The following CHL1 variants were observed in gnomAD, a reference collection of about 807,000 sequenced individuals.
The protein encoded by CHL1 is cell adhesion molecule L1 like, also known as neural cell adhesion molecule L1-like protein.
In CHL1, 96 loss-of-function variants were observed where a neutral mutation model predicts 141.9. The observed-to-expected ratio is 0.68, with a 90% confidence interval of 0.57 to 0.80. The LOEUF (loss-of-function observed/expected upper bound fraction) is 0.80. CHL1 is among the 30% of genes least tolerant of loss of function. The probability of loss-of-function intolerance (pLI) is 0.00; values close to 1 mark genes in which losing one functional copy is unlikely to be tolerated. For synonymous variants in CHL1, 613 were observed against 502.2 expected, an observed-to-expected ratio of 1.22 and a Z score of -2.95; for missense variants, 1,820 against 1,457.2, an observed-to-expected ratio of 1.25 and a Z score of -4.05.
intron 18 of CHL1, among the ~76,000 whole-genome samples, chr3:383,062 C>A (rs1227148821): frequency 6.6e-6 from 1 of 152,052 alleles, no homozygotes; most frequent in Non-Finnish European, 1.5e-5. Context: ...TTCCAAGATG[C>A]GTTTGAAAAA....
chr3:198,397 C>T (rs982647701), intron 1 of CHL1, among the ~76,000 whole-genome samples: 1 of 151,968 alleles, frequency 6.6e-6, no homozygotes, highest in African/African-American at 2.4e-5. Context: ...TTTGCGCGTG[C>T]GCGTGGCGAT....
chr3:234,409 A>G (rs1206549679), intron 1 of CHL1, among the ~76,000 whole-genome samples: 3 of 152,080 alleles, frequency 2.0e-5, no homozygotes, highest in African/African-American at 7.2e-5. Flanking sequence ...CTTGAAAATT[A>G]TTTATTGTCT....
At chr3:295,874 C>T (rs1002097748) in intron 2 of CHL1, among the ~76,000 whole-genome samples, 1 of 152,114 alleles carries the variant, frequency 6.6e-6, no homozygotes, top group Non-Finnish European at 1.5e-5. Context: ...TTTTAAGCGA[C>T]GATTGAGTGT....
chr3:257,392 A>T (rs530798921), intron 2 of CHL1, among the ~76,000 whole-genome samples: 2 of 134,454 alleles, frequency 1.5e-5, no homozygotes, highest in East Asian at 4.3e-4. Flanking sequence ...CTCTCTCTGT[A>T]GTCCAGGCTG....
chr3:374,934 A>G lies in CHL1; in HGVS notation c.1752-2884A>G, dbSNP rs571218968. Among the ~76,000 whole-genome samples, 15 of 152,330 alleles carry G rather than the reference A, an allele frequency of 9.8e-5. No homozygotes were observed. The South Asian group carries it at 3.1e-3, about 32-fold the overall frequency. On this transcript the variant is annotated intron_variant, in intron 15 of 27. Coordinates refer to ENST00000256509, the MANE Select transcript of CHL1 (RefSeq NM_006614.4). Reference sequence around the variant, plus strand: ...TTCTAATCAAATATACATGGTGAACAATGAGAAGTGAAAATTCCTTCTTCT... The same window carrying G: ...TTCTAATCAAATATACATGGTGAACGATGAGAAGTGAAAATTCCTTCTTCT...
chr3:348,955 G>C (rs530287803), intron 9 of CHL1, among the ~76,000 whole-genome samples: 4 of 152,330 alleles, frequency 2.6e-5, no homozygotes, highest in Admixed American at 2.6e-4. Flanking sequence ...ACACAAACAG[G>C]GAATAGGGCT....
At position 265,259 on chromosome 3, in the gene CHL1, C is replaced by T. The variant is rs186119776; in HGVS notation, c.-95+20567C>T. 3.3e-5 allele frequency among the ~76,000 whole-genome samples: 5 copies of T among 152,312 alleles called. No homozygotes were observed. The East Asian group carries it at 9.6e-4, about 29-fold the overall frequency. ...ATTTCTCAACATTTCTGTGTCTCAA[C>T]TACCTTATCTATAAAATGGAAATAC... On this transcript the variant is annotated intron_variant, in intron 2 of 27. Transcript: ENST00000256509.
intron 24 of CHL1, among the ~76,000 whole-genome samples, chr3:397,234 A>G (rs1336398232): frequency 6.6e-6 from 1 of 151,972 alleles, no homozygotes; most frequent in Non-Finnish European, 1.5e-5. Context: ...AATTAATTGC[A>G]CTCTGTTTCA....
At chr3:351,750 C>A (rs1283040738) in intron 10 of CHL1, among the ~76,000 whole-genome samples, 1 of 152,066 alleles carries the variant, frequency 6.6e-6, no homozygotes, top group African/African-American at 2.4e-5. Context: ...ATAATATAAT[C>A]AAATACTATG....
At chr3:251,071 G>A (rs918030078) in intron 2 of CHL1, among the ~76,000 whole-genome samples, 5 of 152,046 alleles carry the variant, frequency 3.3e-5, no homozygotes, top group African/African-American at 2.4e-5. Flanking sequence ...TCTAATAAGC[G>A]CCAGAATATG....
chr3:231,575 CTTTTT>C (rs5845954), intron 1 of CHL1, among the ~76,000 whole-genome samples: 1 of 100,562 alleles, frequency 9.9e-6, no homozygotes, highest in African/African-American at 3.3e-5. Context: ...TTATTTCTTC[CTTTTT>C]TTTTTTTTTT....
chr3:212,485 C>G (rs536543184), intron 1 of CHL1, among the ~76,000 whole-genome samples: 3 of 152,308 alleles, frequency 2.0e-5, no homozygotes, highest in African/African-American at 7.2e-5. Flanking sequence ...AATCACTAGA[C>G]ACCTGCAACC....
chr3:357,762 T>G (rs1703846496), intron 11 of CHL1, among the ~76,000 whole-genome samples: 1 of 152,268 alleles, frequency 6.6e-6, no homozygotes, highest in Non-Finnish European at 1.5e-5. Context: ...TTAAGCAATG[T>G]TTAATTACTT....
rs1024015772 is a variant in CHL1 at position 390,808 on chromosome 3, G to C, written c.2578G>C (p.Gly860Arg). The C allele has an allele frequency of 2.5e-6, 4 of 1,597,370 alleles. No homozygotes were observed. Among genetic ancestry groups the C allele is most frequent in the African/African-American group, 1.3e-5 (1 of 74,530 alleles). Residue 860 changes from glycine to arginine, a missense_variant, in exon 21 of 28, where the codon GGC (glycine) becomes CGC (arginine). Gly to Arg is a moderately radical substitution (Grantham distance 125). Coordinates refer to ENST00000256509, the MANE Select transcript of CHL1 (RefSeq NM_006614.4). Reference sequence around the variant, plus strand: ...GGACAGAGTACATGGACGTCTGAAAGGCTATCAGGTTTTTATCATCATGGT... The same window carrying C: ...GGACAGAGTACATGGACGTCTGAAACGCTATCAGGTTTTTATCATCATGGT... ...PKDRVHGRLK[G>R]YQINWWKTKS...
intron 2 of CHL1, among the ~76,000 whole-genome samples, chr3:250,946 G>C (rs945424116): frequency 2.0e-5 from 3 of 152,060 alleles, no homozygotes; most frequent in Admixed American, 2.0e-4. Flanking sequence ...AAGAGCCACA[G>C]GGTTGAAGAT....
At position 289,937 on chromosome 3, in the gene CHL1, T is replaced by TG. The variant is rs1697527407; in HGVS notation, c.-94-29746_-94-29745insG. Among the ~76,000 whole-genome samples, 3 of 145,066 alleles carry TG rather than the reference T, an allele frequency of 2.1e-5. No individual in the cohort carries two copies. The South Asian group carries it at 6.9e-4, about 33-fold the overall frequency. On this transcript the variant is annotated intron_variant, in intron 2 of 27. Coordinates refer to ENST00000256509, the MANE Select transcript of CHL1 (RefSeq NM_006614.4). ...TACATTGCTCCACTGGTATCTTTTT[T>TG]TTTTTTTTTTTTTTTGAGATGGAGT... is the stretch of plus-strand genomic sequence containing the variant.
chr3:319,402 A>T lies in CHL1; in HGVS notation c.-94-281A>T, dbSNP rs137874335. Among the ~76,000 whole-genome samples, 855 of 151,736 alleles carry T rather than the reference A, an allele frequency of 5.6e-3. 7 individuals carry two copies. The highest frequency in any genetic ancestry group is 0.02 in the African/African-American group (829 of 41,402). On this transcript the variant is annotated intron_variant, in intron 2 of 27. Transcript: ENST00000256509. ...AAGTTGAGAATAAAAAAGAAAAACC[A>T]CTCATGTGTATAATATCATACCTTC...
intron 15 of CHL1, among the ~76,000 whole-genome samples, chr3:368,536 G>A (rs1353815662): frequency 6.6e-6 from 1 of 152,142 alleles, no homozygotes. Context: ...CTGTCATTCT[G>A]TAGGTTGCCT....
intron 15 of CHL1, among the ~76,000 whole-genome samples, chr3:374,360 C>G (rs1043297129): frequency 1.3e-5 from 2 of 152,140 alleles, no homozygotes; most frequent in African/African-American, 4.8e-5. Flanking sequence ...CGCTGATCTG[C>G]CAACTGCTCA....
Sources: allele counts gnomAD v4.1 joint callset (sites outside exome capture counted in the v4.1 genomes callset), GRCh38; gene constraint gnomAD v4.1.1; transcripts MANE v1.5; gene names NCBI Gene and HGNC (gene_info 2026-07-23, HGNC 2026-07-21).